ACTR10: variants seen among roughly 807,000 people sequenced by gnomAD.
ACTR10 encodes actin-related protein 10.
ACTR10 carries 43 observed loss-of-function variants against 56.2 expected under a neutral mutation model. That is an observed-to-expected ratio of 0.77 (90% CI 0.60 to 0.99). The LOEUF is 0.99. Among genes scored for constraint, ACTR10 ranks in the 50% least tolerant of loss-of-function variants. The probability of loss-of-function intolerance (pLI) is 0.00; values close to 1 mark genes in which losing one functional copy is unlikely to be tolerated. For synonymous variants in ACTR10, 170 were observed against 176.3 expected, an observed-to-expected ratio of 0.96 and a Z score of 0.28; for missense variants, 466 against 507.8, an observed-to-expected ratio of 0.92 and a Z score of 0.79.
chr14:58,225,945 C>T (rs1889386223), intron 10 of ACTR10, among the ~76,000 whole-genome samples: 1 of 152,152 alleles, frequency 6.6e-6, no homozygotes, highest in Admixed American at 6.5e-5. Flanking sequence ...CTCCTGACCT[C>T]AGGTGATCCA....
At chr14:58,222,741 G>C (rs1340842032) in intron 8 of ACTR10, among the ~76,000 whole-genome samples, 1 of 147,822 alleles carries the variant, frequency 6.8e-6, no homozygotes, top group East Asian at 2.0e-4. Context: ...CTCCAGTCTG[G>C]GCAATAGAGT....
intron 11 of ACTR10, 99 bp from the exon 12 acceptor site, chr14:58,231,967 T>C (rs927569918): frequency 6.6e-6 from 4 of 609,698 alleles, no homozygotes; most frequent in Middle Eastern, 5.1e-4. Flanking sequence ...AATAATAATA[T>C]GTATAATAAT....
At chr14:58,228,032 G>A (rs1889441087) in intron 10 of ACTR10, among the ~76,000 whole-genome samples, 4 of 152,204 alleles carry the variant, frequency 2.6e-5, no homozygotes, top group African/African-American at 7.2e-5. Flanking sequence ...AGCCTGGGAT[G>A]TAGAGGTTGT....
Position 58,230,417 on chromosome 14 carries a change from T to C in ACTR10, c.807T>C (p.Ile269=), listed in dbSNP as rs746375863. ...LGSIRDSVVE[I]LFEQDNEEQS... Reference sequence around the variant, plus strand: ...CCATTAGAGATTCAGTTGTGGAAATTCTTTTTGAACAAGATAATGAAGAGC... The same window carrying C: ...CCATTAGAGATTCAGTTGTGGAAATCCTTTTTGAACAAGATAATGAAGAGC... Residue 269 remains isoleucine, a synonymous_variant, in exon 11 of 13, where the codon ATT becomes ATC. Coordinates refer to ENST00000254286, the MANE Select transcript of ACTR10 (RefSeq NM_018477.3). The C allele has an allele frequency of 6.3e-7, 1 of 1,585,878 alleles. No homozygotes were observed. The highest frequency in any genetic ancestry group is 1.8e-5 in the Admixed American group (1 of 54,616).
At chr14:58,201,190 A>G (rs376340797) in intron 1 of ACTR10, among the ~76,000 whole-genome samples, 17 of 152,224 alleles carry the variant, frequency 1.1e-4, no homozygotes, top group African/African-American at 4.1e-4. Flanking sequence ...AAAAGAGCCT[A>G]TTTAAAAATT....
At chr14:58,231,102 G>A in intron 11 of ACTR10, 1 of 351,442 alleles carries the variant, frequency 2.8e-6, no homozygotes, top group South Asian at 2.1e-5. Flanking sequence ...TGCCCAGGCT[G>A]GAGTGCAATG....
Position 58,223,747 on chromosome 14 carries a change from A to G in ACTR10, c.715-36A>G, listed in dbSNP as rs752038751. 9 of 1,608,176 alleles carry G rather than the reference A, an allele frequency of 5.6e-6. No individual in the cohort carries two copies. The East Asian group carries it at 1.3e-4, about 24-fold the overall frequency. On this transcript the variant is annotated intron_variant, in intron 9 of 12. Transcript: ENST00000254286. ...GGCATCTTTTTGCAAAGGTTACAAC[A>G]TGTGTGGACTTATGTTTATGATATT...
intron 7 of ACTR10, chr14:58,219,375 G>T: frequency 5.3e-6 from 1 of 188,794 alleles, no homozygotes; most frequent in Non-Finnish European, 1.1e-5. Context: ...CCTTTACCTT[G>T]AAGGACAAGA....
In ACTR10 at chr14:58,230,394, A is replaced by G. The variant is rs369691445; in HGVS notation, c.789-5A>G. The stretch of plus-strand genomic sequence containing the variant: ...CAGAAAGCTCTCTTTTTCAAATCCC[A>G]TTAGAGATTCAGTTGTGGAAATTCT... On this transcript the variant is annotated splice_region_variant and splice_polypyrimidine_tract_variant and intron_variant, in intron 10 of 12. Transcript: ENST00000254286. 13 of 1,554,432 alleles carry G rather than the reference A, an allele frequency of 8.4e-6. No homozygotes were observed. The African/African-American group carries it at 9.7e-5, about 12-fold the overall frequency.
Position 58,223,097 on chromosome 14 carries a change from G to C in ACTR10, c.635-525G>C, listed in dbSNP as rs559512497. Among the ~76,000 whole-genome samples, 3 of 152,132 alleles carry C rather than the reference G, an allele frequency of 2.0e-5. No homozygotes were observed. In the South Asian group the frequency reaches 6.2e-4, roughly 32 times the overall value. On this transcript the variant is annotated intron_variant, in intron 8 of 12. Coordinates refer to ENST00000254286, the MANE Select transcript of ACTR10 (RefSeq NM_018477.3). Reference sequence around the variant, plus strand: ...GTACAACATGTTTTATGACACCTTAGTCAATGAAAAAGGTTGTTTTTTTGT... The same window carrying C: ...GTACAACATGTTTTATGACACCTTACTCAATGAAAAAGGTTGTTTTTTTGT...
chr14:58,223,117 T>G (rs1338196146), intron 8 of ACTR10, among the ~76,000 whole-genome samples: 1 of 152,096 alleles, frequency 6.6e-6, no homozygotes, highest in Non-Finnish European at 1.5e-5. Context: ...AAGGTTGTTT[T>G]TTTGTTTTGT....
chr14:58,217,320 T>C (rs189680846), intron 7 of ACTR10, among the ~76,000 whole-genome samples: 5 of 152,326 alleles, frequency 3.3e-5, no homozygotes, highest in Admixed American at 3.3e-4. Flanking sequence ...TCCTACAAAA[T>C]TGTGGAATCA....
chr14:58,218,748 T>G (rs73295269), intron 7 of ACTR10, among the ~76,000 whole-genome samples: 6,343 of 152,246 alleles, frequency 0.042, 445 homozygotes, highest in African/African-American at 0.14. Context: ...TAGATGTCTA[T>G]CTTCCCTGAT....
intron 2 of ACTR10, among the ~76,000 whole-genome samples, chr14:58,204,315 C>T (rs572066632): frequency 6.6e-5 from 10 of 151,632 alleles, no homozygotes; most frequent in East Asian, 1.9e-4. Context: ...ACTCGGGAGG[C>T]GAAGCTTGCA....
At chr14:58,223,381 G>C in intron 8 of ACTR10, 2 of 407,872 alleles carry the variant, frequency 4.9e-6, no homozygotes, top group South Asian at 6.0e-5. Context: ...CAGGTGATCC[G>C]CCTGCCTCGG....
intron 3 of ACTR10, among the ~76,000 whole-genome samples, chr14:58,208,258 T>C (rs1888914542): frequency 6.6e-6 from 1 of 152,232 alleles, no homozygotes; most frequent in Non-Finnish European, 1.5e-5. Context: ...TAAATTATTC[T>C]ACATTCATAC....
rs1566625150 is a variant in ACTR10 at position 58,213,653 on chromosome 14, TA to T, written c.476del (p.Asn159IlefsTer8). The T allele has an allele frequency of 6.2e-7, 1 of 1,612,430 alleles. No individual in the cohort carries two copies. Among genetic ancestry groups the T allele is most frequent in the African/African-American group, 1.3e-5 (1 of 74,998 alleles). Reference sequence around the variant, plus strand: ...TAGATATATGAAGGAATCCCAGTTCTAAATTGTTGGGGAGCACTACCCCTAG... The same window carrying T: ...TAGATATATGAAGGAATCCCAGTTCTAATTGTTGGGGAGCACTACCCCTAG... Reference protein sequence around the residue: ...VLPIYEGIPVLNCWGALPLGG... With the variant: ...VLPIYEGIPVXNCWGALPLGG... On this transcript the variant is annotated frameshift_variant, in exon 6 of 13. Transcript: ENST00000254286. LOFTEE classifies it high-confidence loss of function.
chr14:58,222,792 C>T (rs924922585), intron 8 of ACTR10, among the ~76,000 whole-genome samples: 19 of 146,770 alleles, frequency 1.3e-4, no homozygotes, highest in Admixed American at 4.8e-4. Context: ...AAAAAATTGG[C>T]GTTGTGTTCT....
chr14:58,202,722 C>G lies in ACTR10; in HGVS notation c.78-133C>G, dbSNP rs557124599. 2.3e-4 allele frequency: 123 copies of G among 532,390 alleles called. No homozygotes were observed. In the East Asian group the frequency reaches 3.8e-3, roughly 16 times the overall value. The allele number at this position is 532,390 out of a possible 1,614,324, so 33.0% of individuals were successfully genotyped here. A position where few individuals can be genotyped will look rare whatever the true frequency, so the allele number is the denominator to read the frequency against. ...GTTTTGTGGAGTGATTTTTTTTGATCCCTTAAAATACATCAGGTATTTTCA... is the reference window on the plus strand; with the variant it reads ...GTTTTGTGGAGTGATTTTTTTTGATGCCTTAAAATACATCAGGTATTTTCA... On this transcript the variant is annotated intron_variant, in intron 1 of 12. Coordinates refer to ENST00000254286, the MANE Select transcript of ACTR10 (RefSeq NM_018477.3).
Sources: allele counts gnomAD v4.1 joint callset (sites outside exome capture counted in the v4.1 genomes callset), GRCh38; gene constraint gnomAD v4.1.1; transcripts MANE v1.5; gene names NCBI Gene and HGNC (gene_info 2026-07-23, HGNC 2026-07-21).